EFHD2: variants seen among roughly 807,000 people sequenced by gnomAD.
EFHD2 encodes EF-hand domain family member D2, also known as EF-hand domain-containing protein D2.
EFHD2 carries 12 observed loss-of-function variants against 20.3 expected under a neutral mutation model. The observed-to-expected ratio is 0.59, with a 90% CI of 0.38 to 0.96. EFHD2 has a LOEUF of 0.96. EFHD2 is among the 40% of genes least tolerant of loss of function. EFHD2 has a pLI of 0.00. For synonymous variants in EFHD2, 131 were observed against 143.9 expected (o/e 0.91, Z 0.64); for missense variants, 250 against 334.3 (o/e 0.75, Z 1.97).
rs1467635192 is a variant in EFHD2 at position 15,429,934 on chromosome 1, T to C, written c.*1210T>C. 1 of 152,718 alleles carries C rather than the reference T, an allele frequency of 6.5e-6. No homozygotes were observed. The highest frequency in any genetic ancestry group is 2.4e-5 in the African/African-American group (1 of 41,462). 9.5% of individuals were successfully genotyped at this position (152,718 alleles called of 1,614,324 possible). The stretch of plus-strand genomic sequence containing the variant: ...TCGTGAAACTGTGACCATCACTCAG[T>C]CCAAACAAGTGAGTGGCCCTCGAGG... On this transcript the variant is annotated 3_prime_UTR_variant, in exon 4 of 4. Transcript: ENST00000375980.
intron 1 of EFHD2, among the ~76,000 whole-genome samples, chr1:15,421,492 A>G (rs535720021): frequency 7.1e-4 from 108 of 152,264 alleles, no homozygotes; most frequent in Non-Finnish European, 2.5e-4. Flanking sequence ...CCTGGGGGCC[A>G]GAGCCTGCCC....
chr1:15,427,237 G>T lies in EFHD2; in HGVS notation c.544G>T (p.Val182Phe), dbSNP rs747762750. The T allele has an allele frequency of 6.2e-7, 1 of 1,609,066 alleles. No individual in the cohort carries two copies. The highest frequency in any genetic ancestry group is 8.5e-7 in the Non-Finnish European group (1 of 1,178,190). Residue 182 changes from valine to phenylalanine, a missense_variant, in exon 3 of 4, where the codon GTC becomes TTC. Val to Phe is a conservative substitution (Grantham distance 50, BLOSUM62 -1). This residue lies in a region of EFHD2 where 100 missense variants were observed against 116.2 expected (regional missense o/e 0.86). Transcript: ENST00000375980. ...CVLARLSEID[V>F]SSEGVKGAKS... Reference sequence around the variant, plus strand: ...GCTGGCCCGCCTCTCTGAGATCGACGTCTCCAGTGAGGGTGTCAAGGGGGC... The same window carrying T: ...GCTGGCCCGCCTCTCTGAGATCGACTTCTCCAGTGAGGGTGTCAAGGGGGC...
At chr1:15,420,269 G>T (rs1278475235) in intron 1 of EFHD2, among the ~76,000 whole-genome samples, 1 of 152,226 alleles carries the variant, frequency 6.6e-6, no homozygotes, top group Non-Finnish European at 1.5e-5. Context: ...CGATGATGAT[G>T]AAATTAACAG....
intron 1 of EFHD2, among the ~76,000 whole-genome samples, chr1:15,424,149 G>A (rs1326457105): frequency 2.0e-5 from 3 of 150,926 alleles, no homozygotes; most frequent in Non-Finnish European, 2.9e-5. Context: ...CTGTGATCGC[G>A]CCTGGGTAAC....
At chr1:15,422,001 T>C (rs757505693) in intron 1 of EFHD2, among the ~76,000 whole-genome samples, 3 of 151,942 alleles carry the variant, frequency 2.0e-5, no homozygotes, top group Non-Finnish European at 4.4e-5. Context: ...GCTCAGTCGT[T>C]CCTCACAGTG....
intron 1 of EFHD2, among the ~76,000 whole-genome samples, chr1:15,417,543 T>C (rs867978163): frequency 6.6e-6 from 1 of 152,228 alleles, no homozygotes; most frequent in South Asian, 2.1e-4. Context: ...GCCACACTTA[T>C]GTGCTCTCTA....
intron 1 of EFHD2, among the ~76,000 whole-genome samples, chr1:15,425,568 T>TCAC (rs371882445): frequency 2.6e-5 from 4 of 151,898 alleles, no homozygotes; most frequent in African/African-American, 7.2e-5. Flanking sequence ...GTCTGTGCCA[T>TCAC]CACATTCAGC....
chr1:15,421,196 G>A (rs1007565258), intron 1 of EFHD2, among the ~76,000 whole-genome samples: 1 of 152,238 alleles, frequency 6.6e-6, no homozygotes, highest in East Asian at 1.9e-4. Context: ...GCAGAGCTGG[G>A]GTTTGGACCC....
At position 15,428,739 on chromosome 1, in the gene EFHD2, G is replaced by A. The variant is rs756783818; in HGVS notation, c.*15G>A. 2.6e-5 allele frequency: 40 copies of A among 1,566,790 alleles called. No individual in the cohort carries two copies. The highest frequency in any genetic ancestry group is 2.3e-4 in the African/African-American group (17 of 73,608). ...CCTTTAAGTAGCGGGGGCTGCAGCC[G>A]ACCGCCCTGCTCCGGCCCCAGTGTG... is the stretch of plus-strand genomic sequence containing the variant. On this transcript the variant is annotated 3_prime_UTR_variant, in exon 4 of 4. Transcript: ENST00000375980.
At chr1:15,410,481 A>C (rs1707462813) in intron 1 of EFHD2, among the ~76,000 whole-genome samples, 6 of 150,806 alleles carry the variant, frequency 4.0e-5, no homozygotes, top group Admixed American at 4.0e-4. Flanking sequence ...AGTCTGGGGG[A>C]CCCCCGGCCC....
chr1:15,425,978 A>T lies in EFHD2; in HGVS notation c.416A>T (p.Glu139Val), dbSNP rs1415636828. 6.3e-7 allele frequency: 1 copy of T among 1,597,050 alleles called. No homozygotes were observed. The highest frequency in any genetic ancestry group is 8.5e-7 in the Non-Finnish European group (1 of 1,173,428). Residue 139 changes from glutamate to valine, a missense_variant, in exon 2 of 4, where the codon GAG becomes GTG. Transcript: ENST00000375980. ...CTGGGCCTGAAAAACATGATCAAGG[A>T]GGTGGATGAGGACTTTGACAGCAAG... ...THLGLKNMIKEVDEDFDSKLS... is the reference protein window; with the variant it reads ...THLGLKNMIKVVDEDFDSKLS...
Position 15,428,829 on chromosome 1 carries a change from C to A in EFHD2, c.*105C>A. On this transcript the variant is annotated 3_prime_UTR_variant, in exon 4 of 4. Transcript: ENST00000375980. ...TTGCCTGTGTCTGACGGGACCACTA[C>A]TAAAAACCTAAAAATATCTGTGAAT... 1 of 1,479,840 alleles carries A rather than the reference C, an allele frequency of 6.8e-7. No homozygotes were observed. Among genetic ancestry groups the A allele is most frequent in the Non-Finnish European group, 9.1e-7 (1 of 1,096,306 alleles). The allele number at this position is 1,479,840 out of a possible 1,614,324, so 91.7% of individuals were successfully genotyped here.
chr1:15,416,873 G>A (rs956145667), intron 1 of EFHD2, among the ~76,000 whole-genome samples: 13 of 152,046 alleles, frequency 8.6e-5, no homozygotes, highest in Admixed American at 7.2e-4. Context: ...GCAGTGGTAC[G>A]ATCATAGCTC....
At chr1:15,415,077 T>C (rs1206336939) in intron 1 of EFHD2, among the ~76,000 whole-genome samples, 1 of 152,208 alleles carries the variant, frequency 6.6e-6, no homozygotes, top group Admixed American at 6.5e-5. Context: ...GTTTGCATGA[T>C]AGATGATGTT....
At chr1:15,425,641 G>A (rs1707861544) in intron 1 of EFHD2, among the ~76,000 whole-genome samples, 1 of 152,150 alleles carries the variant, frequency 6.6e-6, no homozygotes, top group African/African-American at 2.4e-5. Flanking sequence ...AGCGCTATTC[G>A]ACATGCAGGA....
intron 1 of EFHD2, among the ~76,000 whole-genome samples, chr1:15,425,272 C>A (rs549341593): frequency 2.0e-5 from 3 of 152,094 alleles, no homozygotes; most frequent in Non-Finnish European, 4.4e-5. Flanking sequence ...TGCCTGTAAT[C>A]CCCATACTTT....
At position 15,429,451 on chromosome 1, in the gene EFHD2, C is replaced by G. The variant is rs1298509624; in HGVS notation, c.*727C>G. 6.6e-6 allele frequency: 1 copy of G among 152,362 alleles called. No individual in the cohort carries two copies. The highest frequency in any genetic ancestry group is 2.4e-5 in the African/African-American group (1 of 41,344). 9.4% of individuals were successfully genotyped at this position (152,362 alleles called of 1,614,324 possible). A position where few individuals can be genotyped will look rare whatever the true frequency, so the allele number is the denominator to read the frequency against. On this transcript the variant is annotated 3_prime_UTR_variant, in exon 4 of 4. Transcript: ENST00000375980. ...ATCTACCTCACAGGCCCACCCCCTG[C>G]CGGGCATGCCGTGGGATCATGGGCA...
chr1:15,423,317 C>T (rs893538652), intron 1 of EFHD2, among the ~76,000 whole-genome samples: 1 of 152,210 alleles, frequency 6.6e-6, no homozygotes, highest in East Asian at 1.9e-4. Context: ...GGGCAGAAGC[C>T]GCAGGACCCT....
intron 1 of EFHD2, among the ~76,000 whole-genome samples, chr1:15,415,797 A>G (rs1488987055): frequency 1.3e-5 from 2 of 152,008 alleles, no homozygotes; most frequent in Admixed American, 1.3e-4. Context: ...GCCTGATACT[A>G]TCATTTTTAT....
Sources: allele counts gnomAD v4.1 joint callset (sites outside exome capture counted in the v4.1 genomes callset), GRCh38; gene constraint gnomAD v4.1.1; regional missense constraint gnomAD v4.1.1; transcripts MANE v1.5; gene names NCBI Gene and HGNC (gene_info 2026-07-23, HGNC 2026-07-21).